UMAD1: variants seen among roughly 807,000 people sequenced by gnomAD.
The protein encoded by UMAD1 is UBAP1-MVB12-associated (UMA) domain containing 1, also known as UBAP1-MVB12-associated (UMA)-domain containing protein 1.
Under a neutral mutation model 6.1 loss-of-function variants are expected in UMAD1, and 8 were observed. The ratio of observed to expected loss-of-function variants is 1.30; its 90% CI spans 0.76 to 2.35. UMAD1 has a LOEUF of 2.35. Ranked by LOEUF, UMAD1 falls within the 30% of genes most tolerant of loss-of-function variation. UMAD1 has a pLI of 0.00. For missense variants in UMAD1, 130 were observed against 78.4 expected (o/e 1.66, Z -2.49); for synonymous variants, 56 against 31.4 (o/e 1.78, Z -2.61).
chr7:7,843,291 T>C (rs932231490), intron 3 of UMAD1, among the ~76,000 whole-genome samples: 11 of 152,222 alleles, frequency 7.2e-5, no homozygotes, highest in African/African-American at 2.7e-4. Context: ...CACTGCGAAG[T>C]TGAACCTCTT....
At chr7:7,741,550 C>A (rs528170158) in intron 2 of UMAD1, among the ~76,000 whole-genome samples, 7 of 149,746 alleles carry the variant, frequency 4.7e-5, no homozygotes, top group African/African-American at 1.7e-4. Context: ...GCACTCCAGC[C>A]TGGGCTACAG....
chr7:7,766,780 A>G (rs916734755), intron 2 of UMAD1, among the ~76,000 whole-genome samples: 4 of 152,142 alleles, frequency 2.6e-5, no homozygotes, highest in African/African-American at 9.7e-5. Context: ...TTTATCTAAG[A>G]TTTGGACAAT....
intron 1 of UMAD1, among the ~76,000 whole-genome samples, chr7:7,642,452 C>G (rs893552315): frequency 7.3e-6 from 1 of 137,892 alleles, no homozygotes; most frequent in Non-Finnish European, 1.6e-5. Flanking sequence ...AGCCTTGGTG[C>G]GTACCCTGTA....
intron 2 of UMAD1, among the ~76,000 whole-genome samples, chr7:7,794,832 G>T (rs993724878): frequency 2.0e-5 from 3 of 152,172 alleles, no homozygotes; most frequent in African/African-American, 7.2e-5. Flanking sequence ...ATCTAGGAGA[G>T]ATGAAATGAA....
At chr7:7,816,762 C>G (rs796138799) in intron 3 of UMAD1, among the ~76,000 whole-genome samples, 11 of 152,346 alleles carry the variant, frequency 7.2e-5, no homozygotes, top group African/African-American at 2.6e-4. Flanking sequence ...CCTCCTCTGG[C>G]TACCTTGCTT....
chr7:7,693,063 C>G (rs1158440145), intron 2 of UMAD1, among the ~76,000 whole-genome samples: 1 of 152,102 alleles, frequency 6.6e-6, no homozygotes, highest in East Asian at 1.9e-4. Context: ...CTTATATCTA[C>G]TTCATTATTC....
chr7:7,830,819 G>A lies in UMAD1; in HGVS notation c.156+29076G>A, dbSNP rs933612969. On this transcript the variant is annotated intron_variant, in intron 3 of 3. Transcript: ENST00000682710. This position sits in a 1 kb window ranked among gnomAD's most constrained non-coding sequence, Gnocchi z 5.3. ...TCTTTCAGTACTGGATAAGTGAAGTGAATGTAAATTGAAGCCTGTTTATAT... is the reference window on the plus strand; with the variant it reads ...TCTTTCAGTACTGGATAAGTGAAGTAAATGTAAATTGAAGCCTGTTTATAT... 2.6e-5 allele frequency among the ~76,000 whole-genome samples: 4 copies of A among 152,144 alleles called. No homozygotes were observed. The highest frequency in any genetic ancestry group is 4.4e-5 in the Non-Finnish European group (3 of 68,010).
chr7:7,730,725 G>GA (rs112867608), intron 2 of UMAD1, among the ~76,000 whole-genome samples: 14 of 151,538 alleles, frequency 9.2e-5, no homozygotes, highest in Admixed American at 6.6e-5. Context: ...AAACCTGGGG[G>GA]AAAAAAAACC....
chr7:7,760,224 A>C (rs567871036), intron 2 of UMAD1, among the ~76,000 whole-genome samples: 1 of 152,072 alleles, frequency 6.6e-6, no homozygotes, highest in Admixed American at 6.5e-5. Flanking sequence ...AATGTGAGTG[A>C]AGTTGTCCTT....
At chr7:7,652,952 C>T (rs1785257021) in intron 1 of UMAD1, among the ~76,000 whole-genome samples, 1 of 152,060 alleles carries the variant, frequency 6.6e-6, no homozygotes, top group Non-Finnish European at 1.5e-5. Context: ...TTTTAAAGAC[C>T]CATACTGAAT....
intron 1 of UMAD1, among the ~76,000 whole-genome samples, chr7:7,670,745 C>A (rs1225702325): frequency 1.3e-5 from 2 of 152,198 alleles, no homozygotes; most frequent in East Asian, 3.9e-4. Context: ...TTTACCCTTA[C>A]ACCCTGGTGG....
chr7:7,867,816 T>C (rs535436912), intron 3 of UMAD1, among the ~76,000 whole-genome samples: 1 of 152,218 alleles, frequency 6.6e-6, no homozygotes, highest in African/African-American at 2.4e-5. Context: ...GTTAATTGCT[T>C]CTAGGAAAGA....
intron 3 of UMAD1, among the ~76,000 whole-genome samples, chr7:7,840,535 G>T (rs1000167760): frequency 1.3e-5 from 2 of 152,192 alleles, no homozygotes; most frequent in Non-Finnish European, 2.9e-5. Context: ...GCAGTAGAGA[G>T]AACTGTTGTA....
intron 3 of UMAD1, among the ~76,000 whole-genome samples, chr7:7,835,678 C>G (rs1783554935): frequency 6.6e-6 from 1 of 151,514 alleles, no homozygotes; most frequent in African/African-American, 2.4e-5. Flanking sequence ...CTTTAAGTAG[C>G]AGTGGAGATT....
intron 2 of UMAD1, among the ~76,000 whole-genome samples, chr7:7,794,736 T>C (rs944516970): frequency 6.6e-6 from 1 of 152,174 alleles, no homozygotes; most frequent in African/African-American, 2.4e-5. Context: ...TTCCTTGACA[T>C]ACGTTGAAAT....
intron 2 of UMAD1, among the ~76,000 whole-genome samples, chr7:7,682,513 A>G (rs1469281184): frequency 6.6e-6 from 1 of 152,188 alleles, no homozygotes; most frequent in Non-Finnish European, 1.5e-5. Context: ...ATTTAGCTGT[A>G]TACATAAAAA....
rs192212033 is a variant in UMAD1 at position 7,756,462 on chromosome 7, C to T, written c.83-45208C>T. Among the ~76,000 whole-genome samples the T allele has an allele frequency of 4.6e-5, 7 of 152,242 alleles. No individual in the cohort carries two copies. In the East Asian group the frequency reaches 1.4e-3, roughly 29 times the overall value. The stretch of plus-strand genomic sequence containing the variant: ...GTCCATGGGTTGGACTCACTTTGGG[C>T]ATATCTTGATTTAAGGTTCCAAAGA... On this transcript the variant is annotated intron_variant, in intron 2 of 3. Transcript: ENST00000682710.
At chr7:7,777,045 G>C (rs1237289931) in intron 2 of UMAD1, among the ~76,000 whole-genome samples, 1 of 152,026 alleles carries the variant, frequency 6.6e-6, no homozygotes, top group Admixed American at 6.5e-5. Flanking sequence ...CTCGTTTTGC[G>C]CCATACTTTT....
At chr7:7,853,392 C>T (rs186345648) in intron 3 of UMAD1, among the ~76,000 whole-genome samples, 3 of 152,052 alleles carry the variant, frequency 2.0e-5, no homozygotes, top group Admixed American at 6.5e-5. Context: ...GATTTTGTAG[C>T]GCAATTTGAA....
Sources: allele counts gnomAD v4.1 joint callset (sites outside exome capture counted in the v4.1 genomes callset), GRCh38; gene constraint gnomAD v4.1.1; non-coding constraint Gnocchi (gnomAD v3.1); transcripts MANE v1.5; gene names NCBI Gene and HGNC (gene_info 2026-07-23, HGNC 2026-07-21).